ZMYM4: variants seen among roughly 807,000 people sequenced by gnomAD.
The protein encoded by ZMYM4 is zinc finger MYM-type containing 4.
A neutral mutation model predicts 183.2 loss-of-function variants in ZMYM4; 31 were observed. The observed-to-expected ratio is 0.17, with a 90% confidence interval of 0.13 to 0.23. ZMYM4 has a LOEUF of 0.23. Among genes scored for constraint, ZMYM4 ranks in the 10% least tolerant of loss-of-function variants. ZMYM4 has a pLI of 1.00. For synonymous variants in ZMYM4, 592 were observed against 631.2 expected (o/e 0.94, Z 0.93); for missense variants, 1,273 against 1,840.3 (o/e 0.69, Z 5.64).
chr1:35,372,886 G>C (rs557710463), intron 7 of ZMYM4, among the ~76,000 whole-genome samples: 136 of 152,266 alleles, frequency 8.9e-4, no homozygotes, highest in African/African-American at 3.1e-3. Context: ...GGCTGGGCGT[G>C]GTGGCTTGCG....
At chr1:35,358,005 T>G (rs1643870135) in intron 2 of ZMYM4, among the ~76,000 whole-genome samples, 3 of 152,156 alleles carry the variant, frequency 2.0e-5, no homozygotes, top group Admixed American at 6.5e-5. Context: ...CCAAAGGAAT[T>G]TTATCCATGA....
At chr1:35,338,151 A>G (rs550683983) in intron 2 of ZMYM4, among the ~76,000 whole-genome samples, 5 of 152,140 alleles carry the variant, frequency 3.3e-5, no homozygotes, top group Admixed American at 2.0e-4. Context: ...CTTGGATTTG[A>G]CATGCAGGCA....
chr1:35,386,133 A>G lies in ZMYM4; in HGVS notation c.1780A>G (p.Met594Val), dbSNP rs769701102. Reference sequence around the variant, plus strand: ...AGCAATTCCTCAGTATCACCTAGCCATGTCAGATGGAAGTATACGCAACTT... The same window carrying G: ...AGCAATTCCTCAGTATCACCTAGCCGTGTCAGATGGAAGTATACGCAACTT... ...TSAIPQYHLA[M>V]SDGSIRNFCS... Residue 594 changes from methionine (M) to valine (V), a missense_variant, in exon 11 of 30, where the codon ATG becomes GTG. Met to Val is a conservative substitution (Grantham distance 21). Around this residue, in one of 6 missense-constraint regions of ZMYM4, gnomAD observed 319 missense variants for 518.1 expected, o/e 0.62. Coordinates refer to ENST00000314607, the MANE Select transcript of ZMYM4 (RefSeq NM_005095.3). 2 of 1,614,088 alleles carry G rather than the reference A, an allele frequency of 1.2e-6. No individual in the cohort carries two copies. Among genetic ancestry groups the G allele is most frequent in the East Asian group, 2.2e-5 (1 of 44,874 alleles).
At chr1:35,350,580 C>A (rs1379840232) in intron 2 of ZMYM4, 13 of 162,956 alleles carry the variant, frequency 8.0e-5, no homozygotes, top group Non-Finnish European at 1.3e-5. Flanking sequence ...AGCCACCACA[C>A]CCGGCTGAAA....
intron 1 of ZMYM4, among the ~76,000 whole-genome samples, chr1:35,281,918 C>T (rs1320560085): frequency 6.6e-6 from 1 of 152,060 alleles, no homozygotes; most frequent in African/African-American, 2.4e-5. Flanking sequence ...CAATATTTAT[C>T]CTTTGGTGTC....
At chr1:35,416,751 A>T (rs1437509272) in intron 28 of ZMYM4, among the ~76,000 whole-genome samples, 1 of 152,084 alleles carries the variant, frequency 6.6e-6, no homozygotes, top group African/African-American at 2.4e-5. Flanking sequence ...TTTAATAGAG[A>T]CGGGGTTTCA....
chr1:35,313,293 C>G (rs1423121234), intron 1 of ZMYM4, among the ~76,000 whole-genome samples: 1 of 152,196 alleles, frequency 6.6e-6, no homozygotes, highest in Admixed American at 6.5e-5. Context: ...CCTTGGCCTC[C>G]CAAAGTGTTG....
chr1:35,402,808 T>G (rs973529524), intron 23 of ZMYM4, among the ~76,000 whole-genome samples: 1 of 147,996 alleles, frequency 6.8e-6, no homozygotes, highest in African/African-American at 2.6e-5. Flanking sequence ...GACAATCATA[T>G]TATCTGTGAA....
intron 1 of ZMYM4, among the ~76,000 whole-genome samples, chr1:35,291,967 A>G (rs1459224300): frequency 6.6e-6 from 1 of 151,986 alleles, no homozygotes; most frequent in African/African-American, 2.4e-5. Flanking sequence ...CCCTTTTTGC[A>G]CCACATTCCC....
intron 2 of ZMYM4, among the ~76,000 whole-genome samples, chr1:35,335,813 C>T (rs1642949056): frequency 2.0e-5 from 3 of 151,932 alleles, no homozygotes; most frequent in Admixed American, 1.3e-4. Flanking sequence ...ATTAGCCGGA[C>T]GTGATGGCAG....
intron 1 of ZMYM4, among the ~76,000 whole-genome samples, chr1:35,293,745 A>G (rs1418715304): frequency 6.6e-6 from 1 of 152,180 alleles, no homozygotes; most frequent in East Asian, 1.9e-4. Flanking sequence ...CTCGAAGCCA[A>G]GGAGAAAGAG....
chr1:35,302,102 G>A (rs944240200), intron 1 of ZMYM4, among the ~76,000 whole-genome samples: 2 of 151,772 alleles, frequency 1.3e-5, no homozygotes, highest in Admixed American at 6.6e-5. Context: ...TTGTCTGAGC[G>A]CAGTCTCTAG....
At chr1:35,272,902 G>C (rs1489755977) in intron 1 of ZMYM4, among the ~76,000 whole-genome samples, 2 of 152,082 alleles carry the variant, frequency 1.3e-5, no homozygotes, top group East Asian at 3.9e-4. Flanking sequence ...TTTTAGTAGA[G>C]ACGGGGTTTC....
intron 7 of ZMYM4, among the ~76,000 whole-genome samples, chr1:35,376,325 A>T (rs1644333101): frequency 6.6e-6 from 1 of 152,178 alleles, no homozygotes; most frequent in Non-Finnish European, 1.5e-5. Flanking sequence ...CAGTGAAAAA[A>T]TACCTAATTT....
chr1:35,375,020 C>T (rs1644304161), intron 7 of ZMYM4, among the ~76,000 whole-genome samples: 1 of 151,998 alleles, frequency 6.6e-6, no homozygotes, highest in Non-Finnish European at 1.5e-5. Flanking sequence ...ACCTGTTATC[C>T]CTTGACTCTT....
At chr1:35,298,338 A>T (rs1292311269) in intron 1 of ZMYM4, among the ~76,000 whole-genome samples, 2 of 152,008 alleles carry the variant, frequency 1.3e-5, no homozygotes, top group Non-Finnish European at 2.9e-5. Flanking sequence ...AGGCCAGGAG[A>T]TCAAGGCTGC....
At chr1:35,392,942 G>T (rs1644737657) in intron 17 of ZMYM4, among the ~76,000 whole-genome samples, 1 of 152,114 alleles carries the variant, frequency 6.6e-6, no homozygotes, top group African/African-American at 2.4e-5. Flanking sequence ...AATTGTACAG[G>T]ATTTAGGCCT....
chr1:35,319,606 G>C (rs924825641), intron 1 of ZMYM4, among the ~76,000 whole-genome samples: 4 of 152,032 alleles, frequency 2.6e-5, no homozygotes, highest in African/African-American at 9.7e-5. Flanking sequence ...CTGGGCAACA[G>C]AGCAAGACCC....
At chr1:35,349,284 G>A (rs919323440) in intron 2 of ZMYM4, among the ~76,000 whole-genome samples, 4 of 152,160 alleles carry the variant, frequency 2.6e-5, no homozygotes, top group African/African-American at 7.2e-5. Flanking sequence ...TATGGTGTCC[G>A]GCCTGTGGTT....
Sources: allele counts gnomAD v4.1 joint callset (sites outside exome capture counted in the v4.1 genomes callset), GRCh38; gene constraint gnomAD v4.1.1; regional missense constraint gnomAD v4.1.1; transcripts MANE v1.5; gene names NCBI Gene and HGNC (gene_info 2026-07-23, HGNC 2026-07-21).